The following COL25A1 variants were observed in gnomAD, a reference collection of about 807,000 sequenced individuals.
COL25A1 encodes the protein collagen type XXV alpha 1 chain.
COL25A1 carries 103 observed loss-of-function variants against 128.4 expected under a neutral mutation model. The ratio of observed to expected loss-of-function variants is 0.80; its 90% CI spans 0.68 to 0.94. The LOEUF is 0.94. COL25A1 is among the 40% of genes least tolerant of loss of function. The pLI is 0.00. For synonymous variants in COL25A1, 279 were observed against 277.2 expected, an observed-to-expected ratio of 1.01 and a Z score of -0.06; for missense variants, 745 against 840.0, an observed-to-expected ratio of 0.89 and a Z score of 1.40.
chr4:109,281,409 C>CA (rs59962160), intron 3 of COL25A1, among the ~76,000 whole-genome samples: 8,312 of 102,178 alleles, frequency 0.081, 246 homozygotes, highest in African/African-American at 0.12. Flanking sequence ...CTTAAAATGG[C>CA]AAAAAAAAAA....
chr4:109,058,492 A>T lies in COL25A1; in HGVS notation c.368-8313T>A, dbSNP rs528429776. ...AGATTATATGTTTCTAATGGAACTG[A>T]GAGTGGTAGACACCTCTTTTAAAGA... On this transcript the variant is annotated intron_variant, in intron 3 of 37. Transcript: ENST00000399132. Among the ~76,000 whole-genome samples, 18 of 152,354 alleles carry T rather than the reference A, an allele frequency of 1.2e-4. No individual in the cohort carries two copies. In the South Asian group the frequency reaches 3.7e-3, roughly 32 times the overall value.
rs141316489 is a variant in COL25A1, at chr4:109,022,296, C to T, written c.421-11921G>A. The stretch of plus-strand genomic sequence containing the variant: ...AGAACCTACACTGAAATATTGGGGG[C>T]GGGTTCCCCCGATATTTCACGATCC... On this transcript the variant is annotated intron_variant, in intron 5 of 37. Coordinates refer to ENST00000399132, the MANE Select transcript of COL25A1 (RefSeq NM_198721.4). The T allele has an allele frequency of 7.6e-4, 281 of 369,734 alleles. 6 individuals are homozygous for T. The highest frequency in any genetic ancestry group is 3.9e-3 in the African/African-American group (181 of 46,956). The allele number at this position is 369,734 out of a possible 1,614,324, so 22.9% of individuals were successfully genotyped here.
intron 11 of COL25A1, among the ~76,000 whole-genome samples, chr4:108,925,832 T>C (rs774599039): frequency 6.6e-6 from 1 of 152,186 alleles, no homozygotes; most frequent in East Asian, 1.9e-4. Context: ...ATGACTTCCA[T>C]ATGAATACAG....
chr4:108,934,478 G>C (rs1747175894), intron 11 of COL25A1, among the ~76,000 whole-genome samples: 1 of 151,884 alleles, frequency 6.6e-6, no homozygotes. Context: ...AGAATTTAAA[G>C]TATAGTAAAA....
chr4:109,294,079 T>C (rs886615076), intron 3 of COL25A1, among the ~76,000 whole-genome samples: 6 of 152,138 alleles, frequency 3.9e-5, no homozygotes, highest in East Asian at 3.8e-4. Flanking sequence ...TTTTCAAATA[T>C]AGGTGGAAGA....
intron 3 of COL25A1, among the ~76,000 whole-genome samples, chr4:109,124,599 A>C (rs1768412930): frequency 6.6e-6 from 1 of 152,040 alleles, no homozygotes; most frequent in African/African-American, 2.4e-5. Context: ...TCATGCCTTT[A>C]AAATAAATGT....
intron 3 of COL25A1, among the ~76,000 whole-genome samples, chr4:109,199,256 T>C (rs1776360602): frequency 6.6e-6 from 1 of 152,224 alleles, no homozygotes; most frequent in Admixed American, 6.5e-5. Context: ...TAGATCCCTG[T>C]CATGTCTTTA....
rs150820512 is a variant in COL25A1, at chr4:108,817,741, A to C, written c.1924-306T>G. Among the ~76,000 whole-genome samples, 15 of 152,326 alleles carry C rather than the reference A, an allele frequency of 9.8e-5. 1 individual carries two copies. In the East Asian group the frequency reaches 2.9e-3, roughly 29 times the overall value. ...TTCATATCTATATTTTTAGATAATA[A>C]ATCTATACTCTTAATTCCATTAAAA... On this transcript the variant is annotated intron_variant, in intron 36 of 37. Coordinates refer to ENST00000399132, the MANE Select transcript of COL25A1 (RefSeq NM_198721.4).
intron 36 of COL25A1, 132 bp downstream of exon 36, chr4:108,819,120 G>A (rs1731524308): frequency 5.2e-6 from 3 of 572,490 alleles, no homozygotes; most frequent in South Asian, 3.2e-5. Context: ...GAAGGAGCCT[G>A]TTCATGCACA....
chr4:109,230,972 C>T (rs1779127234), intron 3 of COL25A1, among the ~76,000 whole-genome samples: 1 of 151,986 alleles, frequency 6.6e-6, no homozygotes, highest in Admixed American at 6.6e-5. Context: ...AACCCCATCT[C>T]TACTAAATAC....
chr4:108,865,256 A>G (rs773240603), intron 20 of COL25A1, among the ~76,000 whole-genome samples: 9 of 152,232 alleles, frequency 5.9e-5, no homozygotes, highest in Non-Finnish European at 1.2e-4. Context: ...ATCTTGGAAA[A>G]GATAAGAAAA....
At chr4:108,884,146 T>C (rs769278499) in intron 19 of COL25A1, 32 bp downstream of exon 19, 6 of 1,608,624 alleles carry the variant, frequency 3.7e-6, no homozygotes, top group South Asian at 1.1e-5. Context: ...ATTACAGTTC[T>C]GTGAAGCCGA....
In COL25A1 at chr4:109,004,280, C is replaced by T. The variant is rs76700507; in HGVS notation, c.438+6078G>A. 9.3e-4 allele frequency among the ~76,000 whole-genome samples: 142 copies of T among 152,242 alleles called. 3 individuals are homozygous for T. The East Asian group carries it at 0.024, about 26-fold the overall frequency. ...CTGTCTTCAGCTTTAGGAAGACGAT[C>T]AGAACCACTCACTGAATAATAGACA... On this transcript the variant is annotated intron_variant, in intron 6 of 37. Coordinates refer to ENST00000399132, the MANE Select transcript of COL25A1 (RefSeq NM_198721.4).
At chr4:108,931,777 C>T (rs180674505) in intron 11 of COL25A1, among the ~76,000 whole-genome samples, 51 of 152,248 alleles carry the variant, frequency 3.3e-4, no homozygotes, top group African/African-American at 1.1e-3. Context: ...GAAGGCATCA[C>T]TTGTCTACTT....
chr4:108,838,258 T>C, intron 31 of COL25A1: 1 of 946,744 alleles, frequency 1.1e-6, no homozygotes, highest in African/African-American at 1.6e-5. Flanking sequence ...GTCTCTGAAA[T>C]AGTTGCAGAT....
chr4:108,858,078 C>A (rs1736731001), intron 24 of COL25A1, among the ~76,000 whole-genome samples: 1 of 151,972 alleles, frequency 6.6e-6, no homozygotes, highest in Admixed American at 6.6e-5. Flanking sequence ...GATATGATAA[C>A]AATGATTATA....
chr4:109,232,419 G>A (rs1453483800), intron 3 of COL25A1, among the ~76,000 whole-genome samples: 1 of 152,134 alleles, frequency 6.6e-6, no homozygotes, highest in Admixed American at 6.6e-5. Flanking sequence ...ATAAATTGTG[G>A]CTGAAATTTT....
chr4:108,893,123 T>C (rs564373704), intron 16 of COL25A1, among the ~76,000 whole-genome samples: 38 of 152,294 alleles, frequency 2.5e-4, no homozygotes, highest in African/African-American at 7.9e-4. Context: ...TACTTCATAC[T>C]TCATACATGC....
chr4:109,120,078 T>C lies in COL25A1; in HGVS notation c.368-69899A>G, dbSNP rs1042977574. Among the ~76,000 whole-genome samples, 2 of 151,934 alleles carry C rather than the reference T, an allele frequency of 1.3e-5. 1 individual carries two copies. Among genetic ancestry groups the C allele is most frequent in the Admixed American group, 1.3e-4 (2 of 15,236 alleles). On this transcript the variant is annotated intron_variant, in intron 3 of 37. Transcript: ENST00000399132. Reference sequence around the variant, plus strand: ...GATTCAGAAAAACCATGTGACAAAATGCAACACCCATTAATGATAAAAACT... The same window carrying C: ...GATTCAGAAAAACCATGTGACAAAACGCAACACCCATTAATGATAAAAACT...
Sources: gnomAD v4.1 joint callset for allele counts (sites outside exome capture counted in the v4.1 genomes callset) on GRCh38, gnomAD v4.1.1 for gene constraint, MANE v1.5 for transcripts, NCBI Gene and HGNC (gene_info 2026-07-23, HGNC 2026-07-21) for gene names.